RAB3B: variants seen among roughly 807,000 people sequenced by gnomAD.
The protein encoded by RAB3B is ras-related protein Rab-3B.
RAB3B carries 11 observed loss-of-function variants against 20.5 expected under a neutral mutation model. The ratio of observed to expected loss-of-function variants is 0.54; its 90% CI spans 0.34 to 0.89. The LOEUF is 0.89. RAB3B is among the 40% of genes least tolerant of loss of function. The probability of loss-of-function intolerance (pLI) is 0.02; values close to 1 mark genes in which losing one functional copy is unlikely to be tolerated. For synonymous variants in RAB3B, 99 were observed against 106.3 expected, an observed-to-expected ratio of 0.93 and a Z score of 0.42; for missense variants, 225 against 280.9, an observed-to-expected ratio of 0.80 and a Z score of 1.42.
chr1:51,980,716 AAAG>A, intron 1 of RAB3B: 4 of 756,302 alleles, frequency 5.3e-6, no homozygotes, highest in Non-Finnish European at 9.7e-6. Context: ...AATTCACAGC[AAAG>A]TAGTCAGGAA....
intron 1 of RAB3B, among the ~76,000 whole-genome samples, chr1:51,978,917 A>G (rs1016242239): frequency 6.6e-6 from 1 of 152,210 alleles, no homozygotes; most frequent in African/African-American, 2.4e-5. Flanking sequence ...AAGTTAGACA[A>G]ATATGTAAGA....
chr1:51,950,141 T>A (rs1213128061), intron 2 of RAB3B, among the ~76,000 whole-genome samples: 1 of 152,152 alleles, frequency 6.6e-6, no homozygotes, highest in Admixed American at 6.5e-5. Context: ...AAAAGCATTA[T>A]TCAAAAAGAA....
At chr1:51,972,459 T>C (rs901152624) in intron 2 of RAB3B, among the ~76,000 whole-genome samples, 1 of 151,986 alleles carries the variant, frequency 6.6e-6, no homozygotes, top group African/African-American at 2.4e-5. Flanking sequence ...CCTAATCCTA[T>C]ACAGTATACA....
Position 51,970,969 on chromosome 1 carries a change from C to CCACTG in RAB3B, c.228+5916_228+5920dup, listed in dbSNP as rs1323568289. Reference sequence around the variant, plus strand: ...GAACTTCCAGTCAGCTGAGATCGTGCCACTGCACTCCAGCCTGGGTGACAG... The same window carrying CCACTG: ...GAACTTCCAGTCAGCTGAGATCGTGCCACTGCACTGCACTCCAGCCTGGGTGACAG... On this transcript the variant is annotated intron_variant, in intron 2 of 4. Coordinates refer to ENST00000371655, the MANE Select transcript of RAB3B (RefSeq NM_002867.4). 6.8e-5 allele frequency among the ~76,000 whole-genome samples: 10 copies of CCACTG among 147,524 alleles called. No homozygotes were observed. In the South Asian group the frequency reaches 8.6e-4, roughly 13 times the overall value.
chr1:51,909,906 T>C lies in RAB3B; in HGVS notation c.*10021A>G, dbSNP rs1683973396. The stretch of plus-strand genomic sequence containing the variant: ...GCTCTGCCTGATTGGGATTACACAT[T>C]GTGTAGTGCCAACATCACACGTTCG... On this transcript the variant is annotated 3_prime_UTR_variant, in exon 5 of 5. Coordinates refer to ENST00000371655, the MANE Select transcript of RAB3B (RefSeq NM_002867.4). 6.6e-6 allele frequency: 1 copy of C among 152,204 alleles called. No individual in the cohort carries two copies. Among genetic ancestry groups the C allele is most frequent in the African/African-American group, 2.4e-5 (1 of 41,462 alleles). The allele number at this position is 152,204 out of a possible 1,614,324, so 9.4% of individuals were successfully genotyped here.
At chr1:51,949,410 C>T (rs1684605628) in intron 2 of RAB3B, among the ~76,000 whole-genome samples, 1 of 152,220 alleles carries the variant, frequency 6.6e-6, no homozygotes, top group Admixed American at 6.5e-5. Flanking sequence ...GAAGGAGACA[C>T]CCCATCAACT....
intron 1 of RAB3B, among the ~76,000 whole-genome samples, chr1:51,983,625 A>ATACTACAAAAATTTAGTAGTACCAAAAG (rs1685115042): frequency 9.2e-5 from 14 of 152,194 alleles, no homozygotes; most frequent in Admixed American, 3.9e-4. Flanking sequence ...CTGTACTTAA[A>ATACTACAAAAATTTAGTAGTACCAAAAG]TACTACAAAA....
chr1:51,974,118 C>T (rs997609877), intron 2 of RAB3B, among the ~76,000 whole-genome samples: 16 of 152,188 alleles, frequency 1.1e-4, no homozygotes, highest in African/African-American at 3.9e-4. Flanking sequence ...TCAGCACCCA[C>T]TCTCTGCTCT....
intron 2 of RAB3B, among the ~76,000 whole-genome samples, chr1:51,961,236 A>G (rs1167417782): frequency 1.3e-5 from 2 of 152,164 alleles, no homozygotes; most frequent in Non-Finnish European, 1.5e-5. Flanking sequence ...TTGGATGCCC[A>G]TTAGACTCCC....
intron 2 of RAB3B, among the ~76,000 whole-genome samples, chr1:51,971,436 CT>C (rs57994059): frequency 2.4e-3 from 335 of 141,620 alleles, no homozygotes; most frequent in Middle Eastern, 0.014. Context: ...TTTTTCTTTT[CT>C]TTTTTTTTTT....
At chr1:51,988,710 C>T (rs1052032005) in intron 1 of RAB3B, among the ~76,000 whole-genome samples, 1 of 152,178 alleles carries the variant, frequency 6.6e-6, no homozygotes, top group South Asian at 2.1e-4. Flanking sequence ...GCACCAGGAC[C>T]TGTGCTATAC....
At chr1:51,931,855 C>A (rs1684331535) in intron 4 of RAB3B, among the ~76,000 whole-genome samples, 1 of 151,994 alleles carries the variant, frequency 6.6e-6, no homozygotes, top group Admixed American at 6.6e-5. Context: ...AGAGAGCATT[C>A]CAAGCAGATG....
chr1:51,928,849 T>G (rs1684283389), intron 4 of RAB3B, among the ~76,000 whole-genome samples: 1 of 152,216 alleles, frequency 6.6e-6, no homozygotes, highest in African/African-American at 2.4e-5. Flanking sequence ...CTCTACTCTT[T>G]GCCTGGCTAG....
chr1:51,931,680 G>A (rs1325047908), intron 4 of RAB3B, among the ~76,000 whole-genome samples: 5 of 150,676 alleles, frequency 3.3e-5, no homozygotes, highest in African/African-American at 1.2e-4. Context: ...GCATCCAACT[G>A]TGATGGGTAC....
Position 51,912,602 on chromosome 1 carries a change from A to ATATGT in RAB3B, c.*7324_*7325insACATA, listed in dbSNP as rs1557958127. On this transcript the variant is annotated 3_prime_UTR_variant, in exon 5 of 5. Coordinates refer to ENST00000371655, the MANE Select transcript of RAB3B (RefSeq NM_002867.4). ...ATATATATATATATATATATATATA[A>ATATGT]AAAATGTTACTCCTGTGAGACAGAA... 1 of 16,270 alleles carries ATATGT rather than the reference A, an allele frequency of 6.1e-5. No homozygotes were observed. The highest frequency in any genetic ancestry group is 1.1e-4 in the Non-Finnish European group (1 of 8,898). 1.0% of individuals were successfully genotyped at this position (16,270 alleles called of 1,614,324 possible).
intron 2 of RAB3B, among the ~76,000 whole-genome samples, chr1:51,972,162 G>A (rs1402246491): frequency 1.3e-5 from 2 of 152,092 alleles, no homozygotes; most frequent in African/African-American, 4.8e-5. Context: ...GCAACCGAGC[G>A]AGACTCTATC....
chr1:51,982,778 A>T (rs1441973278), intron 1 of RAB3B, among the ~76,000 whole-genome samples: 1 of 151,628 alleles, frequency 6.6e-6, no homozygotes, highest in Non-Finnish European at 1.5e-5. Flanking sequence ...TAATAAATAA[A>T]AAATAAAAGA....
chr1:51,985,683 A>G (rs973740545), intron 1 of RAB3B, among the ~76,000 whole-genome samples: 35 of 152,266 alleles, frequency 2.3e-4, no homozygotes, highest in African/African-American at 8.4e-4. Context: ...GTATATAAGT[A>G]TGTTTCATAC....
intron 4 of RAB3B, among the ~76,000 whole-genome samples, chr1:51,922,568 G>A (rs1370341868): frequency 2.0e-5 from 3 of 152,098 alleles, no homozygotes; most frequent in Admixed American, 1.3e-4. Context: ...TTTCCTATAT[G>A]TTCCTGGCCC....
Sources: gnomAD v4.1 joint callset for allele counts (sites outside exome capture counted in the v4.1 genomes callset) on GRCh38, gnomAD v4.1.1 for gene constraint, MANE v1.5 for transcripts, NCBI Gene and HGNC (gene_info 2026-07-23, HGNC 2026-07-21) for gene names.